Variants in MYH10 observed in about 807,000 individuals in gnomAD.
The protein encoded by MYH10 is myosin-10.
In MYH10, 55 loss-of-function variants were observed where a neutral mutation model predicts 257.8. That is an observed-to-expected ratio of 0.21 (90% CI 0.17 to 0.27). MYH10 has a LOEUF of 0.27. MYH10 is among the 10% of genes least tolerant of loss of function. The pLI is 1.00. For synonymous variants in MYH10, 854 were observed against 921.7 expected (o/e 0.93, Z 1.33); for missense variants, 1,631 against 2,500.6 (o/e 0.65, Z 7.42).
Position 8,542,352 on chromosome 17 carries a change from T to C in MYH10, c.1432-72A>G, listed in dbSNP as rs933029332. Reference sequence around the variant, plus strand: ...AAAATGGGAATAATTAGTTATGTAGTTATAAAAAAATTTTTCATTAAACAT... The same window carrying C: ...AAAATGGGAATAATTAGTTATGTAGCTATAAAAAAATTTTTCATTAAACAT... On this transcript the variant is annotated intron_variant, in intron 13 of 42. Coordinates refer to ENST00000360416, the MANE Select transcript of MYH10 (RefSeq NM_001256012.3). 7.8e-6 allele frequency: 11 copies of C among 1,403,094 alleles called. No homozygotes were observed. In the African/African-American group the frequency reaches 1.4e-4, roughly 18 times the overall value. 86.9% of individuals were successfully genotyped at this position (1,403,094 alleles called of 1,614,324 possible). A position where few individuals can be genotyped will look rare whatever the true frequency, so the allele number is the denominator to read the frequency against.
intron 7 of MYH10, among the ~76,000 whole-genome samples, chr17:8,554,637 C>T (rs1209338377): frequency 6.6e-6 from 1 of 152,100 alleles, no homozygotes; most frequent in African/African-American, 2.4e-5. Context: ...CACTGAGTAC[C>T]CAATCTGATA....
intron 3 of MYH10, among the ~76,000 whole-genome samples, chr17:8,594,588 CA>C (rs1311016405): frequency 6.6e-6 from 1 of 152,080 alleles, no homozygotes; most frequent in Non-Finnish European, 1.5e-5. Flanking sequence ...GGTATTGACT[CA>C]AATGAAATGA....
intron 21 of MYH10, 94 bp downstream of exon 21, chr17:8,518,537 G>T: frequency 7.5e-7 from 1 of 1,331,848 alleles, no homozygotes; most frequent in Non-Finnish European, 1.0e-6. Flanking sequence ...GACAGACTAT[G>T]TCTCACACAC....
chr17:8,548,418 G>C lies in MYH10; in HGVS notation c.1064-10C>G. On this transcript the variant is annotated splice_polypyrimidine_tract_variant and intron_variant, in intron 10 of 42. Transcript: ENST00000360416. ...ACTACTTTAAGCATTGCTTCATATT[G>C]ATAAAAAGAAAAAAAAAATTAATAT... is the stretch of plus-strand genomic sequence containing the variant. 1 of 1,433,774 alleles carries C rather than the reference G, an allele frequency of 7.0e-7. No homozygotes were observed. 88.8% of individuals were successfully genotyped at this position (1,433,774 alleles called of 1,614,324 possible). A position where few individuals can be genotyped will look rare whatever the true frequency, so the allele number is the denominator to read the frequency against.
Position 8,577,347 on chromosome 17 carries a change from A to G in MYH10, c.531-9T>C. On this transcript the variant is annotated splice_polypyrimidine_tract_variant and intron_variant, in intron 4 of 42. Transcript: ENST00000360416. Reference sequence around the variant, plus strand: ...CAGCACCTGACTCACCCCTGAAAGAAAGAGTTAATATAGGCTGCTTTAACG... The same window carrying G: ...CAGCACCTGACTCACCCCTGAAAGAGAGAGTTAATATAGGCTGCTTTAACG... 4 of 1,598,784 alleles carry G rather than the reference A, an allele frequency of 2.5e-6. No homozygotes were observed. The highest frequency in any genetic ancestry group is 3.4e-6 in the Non-Finnish European group (4 of 1,168,624).
At chr17:8,578,309 C>T (rs2083577406) in intron 4 of MYH10, among the ~76,000 whole-genome samples, 1 of 139,432 alleles carries the variant, frequency 7.2e-6, no homozygotes, top group African/African-American at 2.7e-5. Flanking sequence ...GTGGCATGAT[C>T]TCGGCTCATT....
chr17:8,618,458 C>T (rs1203432521), intron 2 of MYH10, among the ~76,000 whole-genome samples: 2 of 152,056 alleles, frequency 1.3e-5, no homozygotes, highest in African/African-American at 2.4e-5. Flanking sequence ...AGGCTGGTCT[C>T]GAACTCCTGA....
chr17:8,561,175 G>T (rs1049603156), intron 7 of MYH10: 5 of 670,498 alleles, frequency 7.5e-6, no homozygotes, highest in South Asian at 1.7e-5. Context: ...AAACAAAGGA[G>T]AAATGGGAGA....
At chr17:8,577,950 ATG>A (rs2083561431) in intron 4 of MYH10, among the ~76,000 whole-genome samples, 1 of 152,212 alleles carries the variant, frequency 6.6e-6, no homozygotes, top group South Asian at 2.1e-4. Context: ...TAGAACATTC[ATG>A]AAGAAAACTC....
At chr17:8,551,161 T>TA (rs1380112695) in intron 9 of MYH10, among the ~76,000 whole-genome samples, 29 of 75,872 alleles carry the variant, frequency 3.8e-4, no homozygotes, top group African/African-American at 1.5e-3. Flanking sequence ...ATAATAAATT[T>TA]AAAAAAAAAA....
At chr17:8,561,487 C>T (rs543919540) in intron 7 of MYH10, 33 of 1,421,818 alleles carry the variant, frequency 2.3e-5, no homozygotes, top group African/African-American at 1.5e-4. Flanking sequence ...AGTCAGGAAT[C>T]GATCTCGTGA....
Position 8,477,029 on chromosome 17 carries a change from C to A in MYH10, c.5726G>T (p.Arg1909Leu). The stretch of plus-strand genomic sequence containing the variant: ...CAGCTGGCGTTTAAGCTGCTTCATC[C>A]GAGCGTTGGCCTTCTCCATCTTGGG... ...YKEQMEKANARMKQLKRQLEE... is the reference protein window; with the variant it reads ...YKEQMEKANALMKQLKRQLEE... Residue 1909 changes from arginine to leucine, a missense_variant, in exon 42 of 43, where the codon CGG (arginine) becomes CTG (leucine). Transcript: ENST00000360416. The surrounding 1 kb of genome is among the most constrained non-coding windows in gnomAD (Gnocchi z 4.2). 6.2e-7 allele frequency: 1 copy of A among 1,614,116 alleles called. No individual in the cohort carries two copies. The highest frequency in any genetic ancestry group is 8.5e-7 in the Non-Finnish European group (1 of 1,180,028).
intron 29 of MYH10, among the ~76,000 whole-genome samples, chr17:8,499,965 C>G (rs1917258953): frequency 6.6e-6 from 1 of 152,164 alleles, no homozygotes; most frequent in Non-Finnish European, 1.5e-5. Flanking sequence ...AGCTGCCTTT[C>G]CACGAACCAG....
At chr17:8,492,648 TGCTTTCC>T in intron 33 of MYH10, 121 bp downstream of exon 33, 1 of 1,138,270 alleles carries the variant, frequency 8.8e-7, no homozygotes, top group East Asian at 2.7e-5. Context: ...TTTTTTTTTT[TGCTTTCC>T]CTTTTTCCAA....
rs117837087 is a variant in MYH10, at chr17:8,589,357, C to T, written c.503-249G>A. 2.2e-3 allele frequency among the ~76,000 whole-genome samples: 328 copies of T among 152,240 alleles called. 1 individual carries two copies. The highest frequency in any genetic ancestry group is 0.017 in the Middle Eastern group (5 of 294). On this transcript the variant is annotated intron_variant, in intron 3 of 42. Coordinates refer to ENST00000360416, the MANE Select transcript of MYH10 (RefSeq NM_001256012.3). ...TCAGGCTTATTCCACACATCGTTTGCCTGGATGACTTTATATGCCTAATTA... is the reference window on the plus strand; with the variant it reads ...TCAGGCTTATTCCACACATCGTTTGTCTGGATGACTTTATATGCCTAATTA...
chr17:8,611,670 T>C (rs959692117), intron 2 of MYH10, among the ~76,000 whole-genome samples: 1 of 152,186 alleles, frequency 6.6e-6, no homozygotes, highest in South Asian at 2.1e-4. Flanking sequence ...AACAATTAGT[T>C]ACACGGCATT....
At chr17:8,621,542 C>A (rs2152107217) in intron 2 of MYH10, among the ~76,000 whole-genome samples, 1 of 152,280 alleles carries the variant, frequency 6.6e-6, no homozygotes, top group South Asian at 2.1e-4. Flanking sequence ...CGTGGTTATT[C>A]AATCTCAGCT....
At chr17:8,606,273 A>G (rs897617892) in intron 2 of MYH10, among the ~76,000 whole-genome samples, 12 of 152,216 alleles carry the variant, frequency 7.9e-5, no homozygotes, top group Admixed American at 3.3e-4. Context: ...TTCTGAGAAT[A>G]TTCTACAAAA....
intron 7 of MYH10, among the ~76,000 whole-genome samples, chr17:8,557,084 T>C (rs1365038808): frequency 6.6e-6 from 1 of 152,154 alleles, no homozygotes; most frequent in African/African-American, 2.4e-5. Context: ...AGTGTTACTT[T>C]TTCCAGTGTA....
Sources: gnomAD v4.1 joint callset for allele counts (sites outside exome capture counted in the v4.1 genomes callset) on GRCh38, gnomAD v4.1.1 for gene constraint, Gnocchi (gnomAD v3.1) non-coding constraint, MANE v1.5 for transcripts, NCBI Gene and HGNC (gene_info 2026-07-23, HGNC 2026-07-21) for gene names.